The following EVL variants were observed in gnomAD, a reference collection of about 807,000 sequenced individuals.
The protein encoded by EVL is Enah/Vasp-like.
EVL carries 21 observed loss-of-function variants against 59.6 expected under a neutral mutation model. The observed-to-expected ratio is 0.35, with a 90% CI of 0.25 to 0.51. The LOEUF (loss-of-function observed/expected upper bound fraction) is 0.51. EVL is among the 20% of genes least tolerant of loss of function. EVL has a pLI of 0.97. For missense variants in EVL, 462 were observed against 546.6 expected (o/e 0.85, Z 1.54); for synonymous variants, 198 against 203.5 (o/e 0.97, Z 0.23).
chr14:100,109,988 G>C lies in EVL; in HGVS notation c.358+12330G>C, dbSNP rs942834336. The stretch of plus-strand genomic sequence containing the variant: ...ACTCACCTCACAGGGTTGTTGTGAG[G>C]GTACCATGAGATGATGTTTGTAAAC... On this transcript the variant is annotated intron_variant, in intron 3 of 13. Transcript: ENST00000392920. This position sits in a 1 kb window ranked among gnomAD's most constrained non-coding sequence, Gnocchi z 4.3. Among the ~76,000 whole-genome samples, 3 of 152,150 alleles carry C rather than the reference G, an allele frequency of 2.0e-5. No individual in the cohort carries two copies. The highest frequency in any genetic ancestry group is 6.5e-5 in the Admixed American group (1 of 15,286).
Position 100,084,642 on chromosome 14 carries a change from A to G in EVL, c.12-45A>G, listed in dbSNP as rs376700346. ...TCAGAAAAGGGCAAAGTCAACTTCC[A>G]TCCACTGTAGCTGAGGCTGACACCA... On this transcript the variant is annotated intron_variant, in intron 1 of 13. Transcript: ENST00000392920. The G allele has an allele frequency of 4.1e-5, 66 of 1,599,232 alleles. No homozygotes were observed. The African/African-American group carries it at 7.4e-4, about 18-fold the overall frequency.
chr14:99,983,039 A>G (rs1030926779), intron 1 of EVL, among the ~76,000 whole-genome samples: 1 of 151,742 alleles, frequency 6.6e-6, no homozygotes, highest in African/African-American at 2.4e-5. Context: ...TATCTGCCCT[A>G]CTCCACCCCA....
intron 1 of EVL, among the ~76,000 whole-genome samples, chr14:100,017,974 C>T (rs537274952): frequency 2.5e-4 from 38 of 152,318 alleles, no homozygotes; most frequent in African/African-American, 8.9e-4. Flanking sequence ...CACCTTCGTG[C>T]GAATGCATGT....
chr14:100,106,961 C>T (rs751535810), intron 3 of EVL: 16 of 398,538 alleles, frequency 4.0e-5, no homozygotes, highest in Non-Finnish European at 5.7e-5. Context: ...GTGGTGGGAG[C>T]AGCTTGGTCT....
chr14:100,106,637 T>G (rs183204758), intron 3 of EVL: 2 of 394,048 alleles, frequency 5.1e-6, no homozygotes, highest in Non-Finnish European at 8.9e-6. Context: ...TTATGTAATC[T>G]ATGAATTTCA....
At chr14:99,973,329 T>A (rs2060747908) in intron 1 of EVL, among the ~76,000 whole-genome samples, 1 of 152,256 alleles carries the variant, frequency 6.6e-6, no homozygotes, top group Non-Finnish European at 1.5e-5. Flanking sequence ...ATTCTGGTGA[T>A]TATGAAATGA....
chr14:100,129,723 A>G (rs1177227667), intron 7 of EVL, 39 bp downstream of exon 7: 2 of 1,509,074 alleles, frequency 1.3e-6, no homozygotes, highest in Non-Finnish European at 1.8e-6. Flanking sequence ...TGTGCCTAGC[A>G]GGAAGCTCCT....
chr14:99,986,314 C>G (rs943131647), intron 1 of EVL, among the ~76,000 whole-genome samples: 2 of 133,296 alleles, frequency 1.5e-5, no homozygotes, highest in Admixed American at 7.4e-5. Context: ...AAAAAAAAAT[C>G]AAATGTATCC....
At chr14:100,092,957 G>A (rs1344235869) in intron 2 of EVL, among the ~76,000 whole-genome samples, 1 of 152,194 alleles carries the variant, frequency 6.6e-6, no homozygotes, top group Non-Finnish European at 1.5e-5. Flanking sequence ...TGGGTGATGG[G>A]TACTAAATGA....
chr14:100,141,005 G>A (rs142682274), intron 11 of EVL, 175 bp from the exon 12 acceptor site: 14 of 570,396 alleles, frequency 2.5e-5, no homozygotes, highest in Non-Finnish European at 9.3e-6. Flanking sequence ...ACCTCTTGAG[G>A]TGGAGACGGG....
At chr14:100,141,158 C>A in intron 11 of EVL, 22 bp from the exon 12 acceptor site, 1 of 1,612,674 alleles carries the variant, frequency 6.2e-7, no homozygotes. Context: ...GCCAGGGCAC[C>A]CACAGGCCCT....
intron 1 of EVL, among the ~76,000 whole-genome samples, chr14:100,016,649 G>A (rs181062346): frequency 3.3e-5 from 5 of 152,342 alleles, no homozygotes; most frequent in African/African-American, 1.2e-4. Context: ...GCCTTTTTGA[G>A]CCCTATTCCA....
At chr14:100,112,674 C>T (rs1418504863) in intron 3 of EVL, among the ~76,000 whole-genome samples, 1 of 152,232 alleles carries the variant, frequency 6.6e-6, no homozygotes, top group Non-Finnish European at 1.5e-5. Flanking sequence ...TCCCCAAAAC[C>T]TCAGGGCTCC....
intron 3 of EVL, among the ~76,000 whole-genome samples, chr14:100,110,790 T>C (rs551302945): frequency 6.6e-6 from 1 of 152,330 alleles, no homozygotes; most frequent in East Asian, 1.9e-4. Context: ...GGTCTCCTCC[T>C]TCCACCAGTC....
At chr14:100,097,684 A>T in intron 3 of EVL, 26 bp downstream of exon 3, 1 of 1,579,042 alleles carries the variant, frequency 6.3e-7, no homozygotes, top group Non-Finnish European at 8.6e-7. Flanking sequence ...TCTTGGCCTG[A>T]TGCTGAGACC....
intron 3 of EVL, among the ~76,000 whole-genome samples, chr14:100,121,396 C>T (rs764542565): frequency 6.6e-6 from 1 of 152,104 alleles, no homozygotes; most frequent in Non-Finnish European, 1.5e-5. Context: ...TTGGACAGAC[C>T]CCTGCGCCTT....
chr14:99,976,841 T>C (rs751421297), intron 1 of EVL, among the ~76,000 whole-genome samples: 3 of 152,230 alleles, frequency 2.0e-5, no homozygotes, highest in Non-Finnish European at 4.4e-5. Context: ...CCCTTCAGAA[T>C]TGATAAACAC....
At chr14:100,099,827 C>G (rs1203732446) in intron 3 of EVL, among the ~76,000 whole-genome samples, 1 of 151,706 alleles carries the variant, frequency 6.6e-6, no homozygotes, top group Non-Finnish European at 1.5e-5. Flanking sequence ...CCCACCTTGG[C>G]CTTCCAAAGT....
At chr14:100,012,610 A>C (rs534401898) in intron 1 of EVL, among the ~76,000 whole-genome samples, 136 of 152,312 alleles carry the variant, frequency 8.9e-4, no homozygotes, top group Non-Finnish European at 1.7e-3. Flanking sequence ...TAAGTCCACA[A>C]ACCATTGATT....
Sources: gnomAD v4.1 joint callset for allele counts (sites outside exome capture counted in the v4.1 genomes callset) on GRCh38, gnomAD v4.1.1 for gene constraint, Gnocchi (gnomAD v3.1) non-coding constraint, MANE v1.5 for transcripts, NCBI Gene and HGNC (gene_info 2026-07-23, HGNC 2026-07-21) for gene names.